CTNNA2: variants seen among roughly 807,000 people sequenced by gnomAD.
CTNNA2 encodes catenin alpha-2.
CTNNA2 carries 42 observed loss-of-function variants against 101.0 expected under a neutral mutation model. That is an observed-to-expected ratio of 0.42 (90% CI 0.32 to 0.54). The LOEUF (loss-of-function observed/expected upper bound fraction) is 0.54. Ranked by LOEUF, CTNNA2 falls within the 20% of genes least tolerant of loss-of-function variation. The pLI, the probability that CTNNA2 is intolerant of heterozygous loss-of-function variation, is 0.14. For missense variants in CTNNA2, 871 were observed against 1,223.1 expected, an observed-to-expected ratio of 0.71 and a Z score of 4.29; for synonymous variants, 450 against 456.4, an observed-to-expected ratio of 0.99 and a Z score of 0.18.
chr2:79,442,803 G>T (rs556368760), intron 4 of CTNNA2, among the ~76,000 whole-genome samples: 1 of 152,240 alleles, frequency 6.6e-6, no homozygotes, highest in South Asian at 2.1e-4. Flanking sequence ...TGTATGAGGC[G>T]TATTGTGGGA....
At chr2:79,924,773 T>C (rs1686912545) in intron 7 of CTNNA2, among the ~76,000 whole-genome samples, 1 of 152,152 alleles carries the variant, frequency 6.6e-6, no homozygotes, top group Admixed American at 6.6e-5. Flanking sequence ...GAGGATCTAT[T>C]TGATCTAGGC....
At chr2:79,973,602 A>C (rs1289393290) in intron 7 of CTNNA2, among the ~76,000 whole-genome samples, 2 of 152,200 alleles carry the variant, frequency 1.3e-5, no homozygotes, top group Non-Finnish European at 2.9e-5. Context: ...AGGTGTGTCA[A>C]CCTAAAAAAC....
chr2:79,903,897 A>G (rs1177051750), intron 6 of CTNNA2, among the ~76,000 whole-genome samples: 1 of 152,188 alleles, frequency 6.6e-6, no homozygotes, highest in Admixed American at 6.5e-5. Flanking sequence ...CTGCAGTAGA[A>G]CTACAGGTGC....
In CTNNA2 at chr2:80,118,916, T is replaced by A. The variant is rs536045128; in HGVS notation, c.1056+209119T>A. On this transcript the variant is annotated intron_variant, in intron 7 of 18. Transcript: ENST00000402739. ...TACTCCGATTCTTCACCACCATCCA[T>A]CTCACCTATCTCTTCTGTCTTGTAT... Among the ~76,000 whole-genome samples the A allele has an allele frequency of 3.3e-5, 5 of 152,322 alleles. No homozygotes were observed. In the South Asian group the frequency reaches 1.0e-3, roughly 32 times the overall value.
chr2:79,510,415 T>C (rs931948380), upstream of CTNNA2, among the ~76,000 whole-genome samples: 1 of 152,212 alleles, frequency 6.6e-6, no homozygotes, highest in Non-Finnish European at 1.5e-5. Flanking sequence ...CATTTTAGCA[T>C]CTAATAATAG....
intron 1 of CTNNA2, among the ~76,000 whole-genome samples, chr2:79,594,639 C>T (rs1573433391): frequency 6.6e-6 from 1 of 152,158 alleles, no homozygotes; most frequent in Non-Finnish European, 1.5e-5. Flanking sequence ...ATAACCCATT[C>T]AATCTTAGTG....
intron 7 of CTNNA2, among the ~76,000 whole-genome samples, chr2:80,382,251 T>A (rs1676581208): frequency 6.6e-6 from 1 of 152,198 alleles, no homozygotes; most frequent in African/African-American, 2.4e-5. Context: ...ATATTTCTAA[T>A]TTGCTTAGCA....
chr2:79,460,596 T>C (rs74450651), intron 4 of CTNNA2, among the ~76,000 whole-genome samples: 1,912 of 152,302 alleles, frequency 0.013, 48 homozygotes, highest in African/African-American at 0.044. Flanking sequence ...CAGCCTTCAT[T>C]CCATCCTTTA....
chr2:79,601,220 C>T (rs532243896), intron 1 of CTNNA2, among the ~76,000 whole-genome samples: 6 of 152,264 alleles, frequency 3.9e-5, no homozygotes, highest in South Asian at 2.1e-4. Flanking sequence ...GACTACTCTT[C>T]GATGTTGGCT....
chr2:79,463,962 C>T lies in CTNNA2; in HGVS notation c.-134-41092C>T, dbSNP rs758464365. 4.7e-5 allele frequency among the ~76,000 whole-genome samples: 7 copies of T among 148,796 alleles called. No individual in the cohort carries two copies. In the East Asian group the frequency reaches 7.9e-4, roughly 17 times the overall value. ...TTGGAAAAATAATGTTATCATAAGA[C>T]AGCATGGCCGGGCTTAAAGAAAGTT... On this transcript the variant is annotated intron_variant, in intron 4 of 21. Coordinates refer to the CTNNA2 transcript ENST00000466387.
intron 2 of CTNNA2, among the ~76,000 whole-genome samples, chr2:79,270,639 A>G (rs537207699): frequency 6.6e-6 from 1 of 151,998 alleles, no homozygotes; most frequent in African/African-American, 2.4e-5. Flanking sequence ...TGAGACTCTC[A>G]GGTTCTCAGA....
At chr2:79,357,177 T>G (rs988531172) in intron 3 of CTNNA2, among the ~76,000 whole-genome samples, 4 of 151,848 alleles carry the variant, frequency 2.6e-5, no homozygotes, top group African/African-American at 9.7e-5. Flanking sequence ...AAGAAAAAAA[T>G]TAGTTAAGTG....
intron 3 of CTNNA2, among the ~76,000 whole-genome samples, chr2:79,823,014 C>T (rs534415580): frequency 6.6e-6 from 1 of 152,242 alleles, no homozygotes; most frequent in East Asian, 1.9e-4. Context: ...ATTTTTTTCT[C>T]TTCATCTTTT....
At chr2:79,404,693 C>T (rs965638776) in intron 4 of CTNNA2, among the ~76,000 whole-genome samples, 3 of 151,982 alleles carry the variant, frequency 2.0e-5, no homozygotes, top group African/African-American at 7.2e-5. Context: ...CTGTGGAACA[C>T]CTCACTCTGG....
At chr2:80,077,558 G>A (rs562101237) in intron 7 of CTNNA2, among the ~76,000 whole-genome samples, 3 of 150,552 alleles carry the variant, frequency 2.0e-5, no homozygotes, top group Non-Finnish European at 4.4e-5. Flanking sequence ...AGACCAGCAT[G>A]GGCAACAAAG....
chr2:79,408,592 A>C (rs1055970248), intron 4 of CTNNA2, among the ~76,000 whole-genome samples: 11 of 151,946 alleles, frequency 7.2e-5, no homozygotes, highest in Admixed American at 5.2e-4. Flanking sequence ...GCTGAGAATG[A>C]TGATTTCCAA....
intron 7 of CTNNA2, among the ~76,000 whole-genome samples, chr2:80,178,691 G>A (rs1192609715): frequency 1.3e-5 from 2 of 152,152 alleles, no homozygotes; most frequent in Non-Finnish European, 2.9e-5. Flanking sequence ...ACCCAAATGA[G>A]GAATGTGTTG....
At chr2:80,439,693 G>A (rs902917660) in intron 9 of CTNNA2, among the ~76,000 whole-genome samples, 2 of 152,056 alleles carry the variant, frequency 1.3e-5, no homozygotes, top group South Asian at 2.1e-4. Context: ...GAGCCACCAC[G>A]CCAGGCCTTA....
chr2:80,367,446 C>G (rs1002507659), intron 7 of CTNNA2, among the ~76,000 whole-genome samples: 4 of 152,024 alleles, frequency 2.6e-5, no homozygotes, highest in Non-Finnish European at 4.4e-5. Context: ...ATATAAGTCT[C>G]CTGGCCTGTA....
Sources: allele counts gnomAD v4.1 joint callset (sites outside exome capture counted in the v4.1 genomes callset), GRCh38; gene constraint gnomAD v4.1.1; transcripts MANE v1.5; gene names NCBI Gene and HGNC (gene_info 2026-07-23, HGNC 2026-07-21).